The following RAB3C variants were observed in gnomAD, a reference collection of about 807,000 sequenced individuals.
RAB3C encodes ras-related protein Rab-3C.
A neutral mutation model predicts 26.4 loss-of-function variants in RAB3C; 17 were observed. That is an observed-to-expected ratio of 0.64 (90% CI 0.44 to 0.97). The LOEUF (loss-of-function observed/expected upper bound fraction) is 0.97. Ranked by LOEUF, RAB3C falls within the 50% of genes least tolerant of loss-of-function variation. The probability of loss-of-function intolerance (pLI) is 0.00; values close to 1 mark genes in which losing one functional copy is unlikely to be tolerated. For synonymous variants in RAB3C, 91 were observed against 95.9 expected (o/e 0.95, Z 0.30); for missense variants, 242 against 281.9 (o/e 0.86, Z 1.01).
At position 58,657,387 on chromosome 5, in the gene RAB3C, G is replaced by GA. The variant is rs34972833; in HGVS notation, c.252+39529dup. ...ACCACCTATACTCCAATAATTTATA[G>GA]AAAAAAAAAAAAGGAAAGAGTATTC... On this transcript the variant is annotated intron_variant, in intron 2 of 4. Transcript: ENST00000282878. Among the ~76,000 whole-genome samples, 461 of 142,338 alleles carry GA rather than the reference G, an allele frequency of 3.2e-3. 1 individual carries two copies. The highest frequency in any genetic ancestry group is 0.01 in the African/African-American group (384 of 38,212). 93.4% of individuals were successfully genotyped at this position (142,338 alleles called of 152,430 possible).
intron 2 of RAB3C, among the ~76,000 whole-genome samples, chr5:58,662,630 A>C (rs1437165612): frequency 6.7e-6 from 1 of 150,272 alleles, no homozygotes; most frequent in Non-Finnish European, 1.5e-5. Flanking sequence ...TCTGAGATTC[A>C]AATCCATTGA....
In RAB3C at chr5:58,759,658, C is replaced by T. The variant is rs757829539; in HGVS notation, c.371+33538C>T. 5.3e-5 allele frequency among the ~76,000 whole-genome samples: 8 copies of T among 152,156 alleles called. No homozygotes were observed. The East Asian group carries it at 5.8e-4, about 11-fold the overall frequency. On this transcript the variant is annotated intron_variant, in intron 3 of 4. Coordinates refer to ENST00000282878, the MANE Select transcript of RAB3C (RefSeq NM_138453.4). The stretch of plus-strand genomic sequence containing the variant: ...TTAGAAAGGAGGATGGAGTGGTTTT[C>T]GAATCTGCTAGTATTAAAACATTTT...
chr5:58,839,593 C>T (rs1269093156), intron 4 of RAB3C, among the ~76,000 whole-genome samples: 2 of 152,060 alleles, frequency 1.3e-5, no homozygotes, highest in Non-Finnish European at 2.9e-5. Flanking sequence ...TGGTCAAGAA[C>T]TCCCAACCTC....
chr5:58,833,539 T>C (rs1298223735), intron 4 of RAB3C, among the ~76,000 whole-genome samples: 4 of 152,036 alleles, frequency 2.6e-5, no homozygotes, highest in African/African-American at 9.7e-5. Context: ...GCACTGGGGA[T>C]ACAAACAAGG....
chr5:58,699,735 A>T (rs1561293753), intron 2 of RAB3C, among the ~76,000 whole-genome samples: 2 of 152,226 alleles, frequency 1.3e-5, no homozygotes, highest in Admixed American at 6.5e-5. Flanking sequence ...CTGTGCTAGC[A>T]GTGAGCAAGG....
intron 3 of RAB3C, among the ~76,000 whole-genome samples, chr5:58,734,996 A>G (rs1335825761): frequency 1.3e-5 from 2 of 152,206 alleles, no homozygotes; most frequent in Admixed American, 6.5e-5. Context: ...ACCTTATTTA[A>G]TATATACAGT....
intron 2 of RAB3C, among the ~76,000 whole-genome samples, chr5:58,636,151 G>A: frequency 6.6e-6 from 1 of 152,164 alleles, no homozygotes; most frequent in Non-Finnish European, 1.5e-5. Context: ...CTTCTTGGAT[G>A]AAGAGAATAT....
At chr5:58,718,096 G>A (rs779676589) in intron 2 of RAB3C, among the ~76,000 whole-genome samples, 1 of 152,074 alleles carries the variant, frequency 6.6e-6, no homozygotes, top group East Asian at 1.9e-4. Context: ...AAAGCTGTAA[G>A]CTGCCTGCAT....
chr5:58,643,200 C>G (rs1005373301), intron 2 of RAB3C, among the ~76,000 whole-genome samples: 25 of 152,140 alleles, frequency 1.6e-4, no homozygotes, highest in African/African-American at 5.8e-4. Flanking sequence ...TGTGGCTGAG[C>G]ATACTAGCAG....
At chr5:58,664,401 T>C (rs1176459622) in intron 2 of RAB3C, among the ~76,000 whole-genome samples, 1 of 152,192 alleles carries the variant, frequency 6.6e-6, no homozygotes, top group Middle Eastern at 3.2e-3. Flanking sequence ...TCCATTAATA[T>C]AATATTCTTG....
At chr5:58,698,081 G>T (rs1173643527) in intron 2 of RAB3C, among the ~76,000 whole-genome samples, 1 of 152,108 alleles carries the variant, frequency 6.6e-6, no homozygotes, top group Non-Finnish European at 1.5e-5. Context: ...TCCATGTTTA[G>T]TGCTTCCTTC....
intron 2 of RAB3C, among the ~76,000 whole-genome samples, chr5:58,718,266 G>A (rs1427907708): frequency 4.6e-5 from 7 of 152,186 alleles, no homozygotes; most frequent in South Asian, 2.1e-4. Flanking sequence ...AATAAAATAA[G>A]TAAAGATGCC....
intron 3 of RAB3C, among the ~76,000 whole-genome samples, chr5:58,785,632 T>C (rs1561129561): frequency 6.6e-6 from 1 of 152,138 alleles, no homozygotes; most frequent in Non-Finnish European, 1.5e-5. Context: ...AGTGTGTAAT[T>C]GAGTTTGTGG....
chr5:58,611,324 T>C (rs1746696488), intron 1 of RAB3C, among the ~76,000 whole-genome samples: 1 of 152,222 alleles, frequency 6.6e-6, no homozygotes, highest in Non-Finnish European at 1.5e-5. Context: ...CCACAATGGT[T>C]GAACTAATTT....
chr5:58,583,064 A>C (rs1288819873), upstream of RAB3C: 2 of 1,492,488 alleles, frequency 1.3e-6, no homozygotes, highest in Non-Finnish European at 8.9e-7. Context: ...GCGCCAGGAG[A>C]GGACAGCTCC....
intron 3 of RAB3C, among the ~76,000 whole-genome samples, chr5:58,811,347 GTGTGTGTA>G (rs1561138679): frequency 1.6e-4 from 23 of 140,014 alleles, no homozygotes; most frequent in Middle Eastern, 3.5e-3. Context: ...GATTTTGCGT[GTGTGTGTA>G]TGTGTGTGTA....
chr5:58,702,184 C>T (rs1748858265), intron 2 of RAB3C, among the ~76,000 whole-genome samples: 1 of 152,120 alleles, frequency 6.6e-6, no homozygotes, highest in African/African-American at 2.4e-5. Flanking sequence ...AAATTTGGCA[C>T]TTACTCTTAT....
At chr5:58,851,046 A>C (rs2112090957) in intron 4 of RAB3C, 118 bp from the exon 5 acceptor site, 1 of 962,548 alleles carries the variant, frequency 1.0e-6, no homozygotes, top group East Asian at 2.5e-5. Flanking sequence ...ACCTACCCCA[A>C]ACCTACCACC....
intron 3 of RAB3C, among the ~76,000 whole-genome samples, chr5:58,751,907 TA>T (rs1419198181): frequency 2.6e-5 from 4 of 152,134 alleles, no homozygotes; most frequent in Non-Finnish European, 4.4e-5. Flanking sequence ...AAGCTATACA[TA>T]AAAAAGCAAG....
Sources: allele counts gnomAD v4.1 joint callset (sites outside exome capture counted in the v4.1 genomes callset), GRCh38; gene constraint gnomAD v4.1.1; transcripts MANE v1.5; gene names NCBI Gene and HGNC (gene_info 2026-07-23, HGNC 2026-07-21).